Variants in AGAP1 observed in about 807,000 individuals in gnomAD.
AGAP1 encodes arf-GAP with GTPase, ANK repeat and PH domain-containing protein 1.
AGAP1 carries 29 observed loss-of-function variants against 105.3 expected under a neutral mutation model. The observed-to-expected ratio is 0.28, with a 90% CI of 0.21 to 0.38. AGAP1 has a LOEUF of 0.38. Among genes scored for constraint, AGAP1 ranks in the 10% least tolerant of loss-of-function variants. AGAP1 has a pLI of 1.00. For synonymous variants in AGAP1, 509 were observed against 485.9 expected (o/e 1.05, Z -0.63); for missense variants, 998 against 1,165.1 (o/e 0.86, Z 2.09).
intron 13 of AGAP1, among the ~76,000 whole-genome samples, chr2:235,997,642 TGTTTAAGAAGAAGCG>T (rs1457910245): frequency 6.6e-6 from 1 of 152,202 alleles, no homozygotes; most frequent in African/African-American, 2.4e-5. Context: ...TTTGGTTTAT[TGTTTAAGAAGAAGCG>T]GTTTTGAGAG....
intron 11 of AGAP1, among the ~76,000 whole-genome samples, chr2:235,916,898 A>G (rs1408019650): frequency 6.6e-6 from 1 of 152,186 alleles, no homozygotes; most frequent in African/African-American, 2.4e-5. Context: ...ACAGCATCCC[A>G]CTATCATGGC....
intron 9 of AGAP1, among the ~76,000 whole-genome samples, chr2:235,826,316 G>A (rs529342076): frequency 1.1e-4 from 16 of 152,364 alleles, no homozygotes; most frequent in Admixed American, 7.2e-4. Context: ...GATGCTGCTT[G>A]GGCAGATACA....
In AGAP1 at chr2:235,931,099, C is replaced by G. The variant is rs1223376548; in HGVS notation, c.1483+176C>G. 6.6e-6 allele frequency among the ~76,000 whole-genome samples: 1 copy of G among 152,178 alleles called. No individual in the cohort carries two copies. Among genetic ancestry groups the G allele is most frequent in the African/African-American group, 2.4e-5 (1 of 41,468 alleles). ...TCATCTGTGGAACGTTTTGTCCTTG[C>G]TAGGCTGTCTTGCCCCTGTCATCTC... On this transcript the variant is annotated intron_variant, in intron 12 of 17. Coordinates refer to ENST00000304032, the MANE Select transcript of AGAP1 (RefSeq NM_001037131.3). This position sits in a 1 kb window ranked among gnomAD's most constrained non-coding sequence, Gnocchi z 5.6.
At position 235,566,668 on chromosome 2, in the gene AGAP1, A is replaced by AC; in HGVS notation, c.163+71821dup. The AC allele has an allele frequency of 1.1e-6, 1 of 923,096 alleles. No individual in the cohort carries two copies. Among genetic ancestry groups the AC allele is most frequent in the South Asian group, 5.0e-5 (1 of 20,114 alleles). 57.2% of individuals were successfully genotyped at this position (923,096 alleles called of 1,614,324 possible). On this transcript the variant is annotated intron_variant, in intron 1 of 17. Transcript: ENST00000304032. This position sits in a 1 kb window ranked among gnomAD's most constrained non-coding sequence, Gnocchi z 5.2. ...TCCTCATGCCGCAGGACCAGCCGGG[A>AC]CCGGGGAGAGGCTGTTCGAGGAACA...
intron 1 of AGAP1, among the ~76,000 whole-genome samples, chr2:235,634,124 T>C (rs764529476): frequency 6.6e-6 from 1 of 152,212 alleles, no homozygotes; most frequent in East Asian, 1.9e-4. Context: ...TACGGCAAGT[T>C]GTGGGGCTTC....
Position 236,002,920 on chromosome 2 carries a change from G to A in AGAP1, c.1646-33641G>A, listed in dbSNP as rs1313237123. Among the ~76,000 whole-genome samples, 1 of 152,006 alleles carries A rather than the reference G, an allele frequency of 6.6e-6. No individual in the cohort carries two copies. Among genetic ancestry groups the A allele is most frequent in the Non-Finnish European group, 1.5e-5 (1 of 68,012 alleles). On this transcript the variant is annotated intron_variant, in intron 13 of 17. Transcript: ENST00000304032. The surrounding 1 kb of genome is among the most constrained non-coding windows in gnomAD (Gnocchi z 4.3). ...GTGAACAGGAGGGCCGGGGTCGCTG[G>A]GTTCCAGGCGCAGCCATGAGACACC...
intron 4 of AGAP1, among the ~76,000 whole-genome samples, chr2:235,743,343 C>G (rs1004606433): frequency 1.3e-5 from 2 of 152,138 alleles, no homozygotes; most frequent in African/African-American, 4.8e-5. Context: ...CTTCAGCTCC[C>G]GGCTCGGGAA....
intron 1 of AGAP1, among the ~76,000 whole-genome samples, chr2:235,537,310 G>A (rs1196897485): frequency 1.3e-5 from 2 of 152,194 alleles, no homozygotes; most frequent in African/African-American, 4.8e-5. Context: ...GAGATGGTGG[G>A]TGCTGCTTCC....
intron 2 of AGAP1, among the ~76,000 whole-genome samples, chr2:235,713,481 G>T (rs557465070): frequency 4.6e-5 from 7 of 152,304 alleles, no homozygotes; most frequent in African/African-American, 1.7e-4. Context: ...TACTCGGCCC[G>T]TGCTCTTGAG....
intron 9 of AGAP1, among the ~76,000 whole-genome samples, chr2:235,848,868 A>G (rs974187635): frequency 6.6e-6 from 1 of 152,162 alleles, no homozygotes; most frequent in East Asian, 1.9e-4. Flanking sequence ...TAGGAATTGT[A>G]TTCGGGGCTG....
rs2057108146 is a variant in AGAP1, at chr2:236,027,964, G to A, written c.1646-8597G>A. 6.6e-6 allele frequency among the ~76,000 whole-genome samples: 1 copy of A among 152,170 alleles called. No individual in the cohort carries two copies. Among genetic ancestry groups the A allele is most frequent in the African/African-American group, 2.4e-5 (1 of 41,438 alleles). On this transcript the variant is annotated intron_variant, in intron 13 of 17. Coordinates refer to ENST00000304032, the MANE Select transcript of AGAP1 (RefSeq NM_001037131.3). The surrounding 1 kb of genome is among the most constrained non-coding windows in gnomAD (Gnocchi z 4.4). ...GTTGGTCCCGGGGATTGCGATTCGT[G>A]TCTTTATTTCTTCATTATTTGTATA...
intron 1 of AGAP1, among the ~76,000 whole-genome samples, chr2:235,634,366 A>G (rs112543996): frequency 2.0e-5 from 3 of 152,328 alleles, no homozygotes; most frequent in South Asian, 2.1e-4. Flanking sequence ...CGCACCCTGC[A>G]TATGGTACTG....
rs1302781302 is a variant in AGAP1, at chr2:236,045,436, A to G, written c.1892-3623A>G. The stretch of plus-strand genomic sequence containing the variant: ...TGCTCTAAGTGCCTCGTAGCTTTTA[A>G]TCCTTCTGACAGCCCCTTGAGGATG... On this transcript the variant is annotated intron_variant, in intron 15 of 17. Coordinates refer to ENST00000304032, the MANE Select transcript of AGAP1 (RefSeq NM_001037131.3). This position sits in a 1 kb window ranked among gnomAD's most constrained non-coding sequence, Gnocchi z 6.9. Among the ~76,000 whole-genome samples the G allele has an allele frequency of 1.3e-5, 2 of 152,192 alleles. No individual in the cohort carries two copies. Among genetic ancestry groups the G allele is most frequent in the Non-Finnish European group, 2.9e-5 (2 of 68,040 alleles).
Position 235,861,948 on chromosome 2 carries a change from G to A in AGAP1, c.1051-21397G>A, listed in dbSNP as rs564343211. 2.6e-5 allele frequency among the ~76,000 whole-genome samples: 4 copies of A among 152,282 alleles called. No individual in the cohort carries two copies. In the South Asian group the frequency reaches 8.3e-4, roughly 32 times the overall value. ...CCATTTGGGAGGAAGAGAACCATTG[G>A]GGACCCTGCCCCGTGGGGTTCCTGA... is the stretch of plus-strand genomic sequence containing the variant. On this transcript the variant is annotated intron_variant, in intron 9 of 17. Transcript: ENST00000304032.
intron 1 of AGAP1, among the ~76,000 whole-genome samples, chr2:235,540,117 G>GT: frequency 6.8e-6 from 1 of 146,394 alleles, no homozygotes; most frequent in East Asian, 2.0e-4. Context: ...CTCTCAATCC[G>GT]TTTGTTTTTT....
intron 1 of AGAP1, among the ~76,000 whole-genome samples, chr2:235,516,376 C>G (rs1942387625): frequency 6.6e-6 from 1 of 152,058 alleles, no homozygotes. Context: ...TCTTGTGGCA[C>G]TTTTCTACTT....
intron 12 of AGAP1, among the ~76,000 whole-genome samples, chr2:235,950,265 G>A (rs575597320): frequency 1.2e-3 from 182 of 152,290 alleles, no homozygotes; most frequent in African/African-American, 4.1e-3. Flanking sequence ...TGGTGACTCC[G>A]GGTTTCCCTA....
intron 16 of AGAP1, among the ~76,000 whole-genome samples, chr2:236,081,209 A>G (rs1389482882): frequency 6.6e-6 from 1 of 152,122 alleles, no homozygotes; most frequent in Non-Finnish European, 1.5e-5. Flanking sequence ...CGAATCGGGA[A>G]GGGAGGGTCC....
intron 1 of AGAP1, chr2:235,670,194 C>T (rs778066411): frequency 1.2e-5 from 7 of 583,552 alleles, no homozygotes; most frequent in Non-Finnish European, 1.9e-5. Context: ...TACCGCATCT[C>T]CGTGACCATG....
Sources: gnomAD v4.1 joint callset for allele counts (sites outside exome capture counted in the v4.1 genomes callset) on GRCh38, gnomAD v4.1.1 for gene constraint, Gnocchi (gnomAD v3.1) non-coding constraint, MANE v1.5 for transcripts, NCBI Gene and HGNC (gene_info 2026-07-23, HGNC 2026-07-21) for gene names.